The following CEP128 variants were observed in gnomAD, a reference collection of about 807,000 sequenced individuals.
CEP128 encodes the protein centrosomal protein 128kDa.
CEP128 carries 132 observed loss-of-function variants against 156.7 expected under a neutral mutation model. The observed-to-expected ratio is 0.84, with a 90% CI of 0.73 to 0.97. CEP128 has a LOEUF of 0.97. Ranked by LOEUF, CEP128 falls within the 50% of genes least tolerant of loss-of-function variation. The pLI, the probability that CEP128 is intolerant of heterozygous loss-of-function variation, is 0.00. For missense variants in CEP128, 1,252 were observed against 1,281.9 expected (o/e 0.98, Z 0.36); for synonymous variants, 469 against 448.9 (o/e 1.04, Z -0.57).
At chr14:80,742,758 A>G (rs923750078) in intron 19 of CEP128, 4 of 277,458 alleles carry the variant, frequency 1.4e-5, no homozygotes, top group Admixed American at 1.0e-4. Flanking sequence ...ATATGTATTG[A>G]ATGAACTAAG....
At chr14:80,514,319 A>G (rs2371298) in intron 23 of CEP128, among the ~76,000 whole-genome samples, 122,910 of 152,082 alleles carry the variant, frequency 0.81, 51,097 homozygotes, top group Middle Eastern at 0.9. Context: ...ACTCATATTT[A>G]GCTCAGAATA....
At chr14:80,509,354 G>A (rs555328148) in intron 23 of CEP128, among the ~76,000 whole-genome samples, 1 of 152,320 alleles carries the variant, frequency 6.6e-6, no homozygotes, top group South Asian at 2.1e-4. Flanking sequence ...ACTGAGGTGA[G>A]ATGATATCTC....
At chr14:80,824,986 G>A (rs1012242739) in intron 13 of CEP128, among the ~76,000 whole-genome samples, 3 of 152,198 alleles carry the variant, frequency 2.0e-5, no homozygotes, top group Non-Finnish European at 2.9e-5. Context: ...GGCTGGGGGA[G>A]CTTCAGAGTC....
chr14:80,942,572 T>C (rs756402426), upstream of CEP128, among the ~76,000 whole-genome samples: 1 of 152,182 alleles, frequency 6.6e-6, no homozygotes, highest in Non-Finnish European at 1.5e-5. Flanking sequence ...AAATATTACC[T>C]GATCTGTGAA....
chr14:80,503,624 T>C (rs969400186), intron 24 of CEP128, among the ~76,000 whole-genome samples: 1 of 152,176 alleles, frequency 6.6e-6, no homozygotes, highest in Non-Finnish European at 1.5e-5. Flanking sequence ...TTTCATGGTG[T>C]GAAGTCCCTA....
intron 19 of CEP128, among the ~76,000 whole-genome samples, chr14:80,729,058 G>GGGGGTGTGTGTGTGTGTGTGTGT (rs1898141728): frequency 9.5e-6 from 1 of 105,024 alleles, no homozygotes; most frequent in African/African-American, 5.0e-5. Context: ...GGCTGGTGGG[G>GGGGGTGTGTGTGTGTGTGTGTGT]GTGTGTGTGT....
At chr14:80,586,595 A>C (rs947883905) in intron 19 of CEP128, among the ~76,000 whole-genome samples, 2 of 152,206 alleles carry the variant, frequency 1.3e-5, no homozygotes, top group Non-Finnish European at 2.9e-5. Context: ...GAAACAAAAG[A>C]AAACTTCATT....
intron 19 of CEP128, among the ~76,000 whole-genome samples, chr14:80,648,146 T>C (rs1190910815): frequency 6.6e-6 from 1 of 151,996 alleles, no homozygotes; most frequent in Admixed American, 6.6e-5. Flanking sequence ...CTTTGTGGAA[T>C]GAAAGCTTAC....
chr14:80,944,437 C>T (rs1230789934), upstream of CEP128, among the ~76,000 whole-genome samples: 1 of 152,156 alleles, frequency 6.6e-6, no homozygotes, highest in African/African-American at 2.4e-5. Flanking sequence ...TCTCCTGCCA[C>T]CATGTGAAGA....
chr14:80,555,235 A>G (rs930062878), intron 21 of CEP128, among the ~76,000 whole-genome samples: 5 of 152,148 alleles, frequency 3.3e-5, no homozygotes, highest in East Asian at 1.9e-4. Flanking sequence ...GGTATCTTCA[A>G]TGAAGGCCTA....
intron 18 of CEP128, among the ~76,000 whole-genome samples, chr14:80,744,892 C>T (rs1899020901): frequency 6.6e-6 from 1 of 152,220 alleles, no homozygotes; most frequent in East Asian, 1.9e-4. Flanking sequence ...GGGGTCCCAA[C>T]TGCCATTTCC....
At chr14:80,495,511 T>C (rs1471943047), downstream of CEP128, among the ~76,000 whole-genome samples, 7 of 152,006 alleles carry the variant, frequency 4.6e-5, no homozygotes, top group Non-Finnish European at 1.0e-4. Context: ...GAGCATTCAA[T>C]AACATGATAT....
At chr14:80,827,618 G>T (rs369923451) in intron 13 of CEP128, among the ~76,000 whole-genome samples, 90 of 152,264 alleles carry the variant, frequency 5.9e-4, no homozygotes, top group African/African-American at 2.2e-3. Context: ...CAGTATCTCT[G>T]GTTGTAAGGA....
At chr14:80,912,190 C>CTGG (rs1212067947) in intron 4 of CEP128, among the ~76,000 whole-genome samples, 1 of 150,468 alleles carries the variant, frequency 6.6e-6, no homozygotes, top group East Asian at 2.0e-4. Flanking sequence ...GCATTCCAAT[C>CTGG]TGGTGACAGA....
chr14:80,590,000 A>G (rs1001106022), intron 19 of CEP128, among the ~76,000 whole-genome samples: 1 of 152,116 alleles, frequency 6.6e-6, no homozygotes, highest in Non-Finnish European at 1.5e-5. Flanking sequence ...TCTCCTTCAC[A>G]CAGTGGAAAA....
intron 9 of CEP128, among the ~76,000 whole-genome samples, chr14:80,846,264 A>C (rs11159476): frequency 0.12 from 18,568 of 152,188 alleles, 1,597 homozygotes; most frequent in East Asian, 0.45. Context: ...GTATTTATTT[A>C]ACATATAAAC....
At chr14:80,862,270 T>C (rs975576080) in intron 9 of CEP128, among the ~76,000 whole-genome samples, 71 of 152,166 alleles carry the variant, frequency 4.7e-4, no homozygotes, top group Non-Finnish European at 9.3e-4. Context: ...AGACAATCTA[T>C]CAATGAATAG....
intron 2 of CEP128, among the ~76,000 whole-genome samples, chr14:80,916,817 T>C (rs1594843827): frequency 6.6e-6 from 1 of 152,318 alleles, no homozygotes; most frequent in Non-Finnish European, 1.5e-5. Context: ...CCAGTGATAA[T>C]AATCCCTTAG....
rs529121475 is a variant in CEP128 at position 80,785,997 on chromosome 14, A to G, written c.1561-452T>C. Among the ~76,000 whole-genome samples, 3 of 152,318 alleles carry G rather than the reference A, an allele frequency of 2.0e-5. No homozygotes were observed. The South Asian group carries it at 6.2e-4, about 32-fold the overall frequency. On this transcript the variant is annotated intron_variant, in intron 14 of 24. Transcript: ENST00000555265. Reference sequence around the variant, plus strand: ...AACAGAGATGGAAAATAATATAGGGAAGCATGCAGATACAATACAAGAAAG... The same window carrying G: ...AACAGAGATGGAAAATAATATAGGGGAGCATGCAGATACAATACAAGAAAG...
Sources: allele counts gnomAD v4.1 joint callset (sites outside exome capture counted in the v4.1 genomes callset), GRCh38; gene constraint gnomAD v4.1.1; transcripts MANE v1.5; gene names NCBI Gene and HGNC (gene_info 2026-07-23, HGNC 2026-07-21).